Variants in SAE1 observed in about 807,000 individuals in gnomAD.
SAE1 encodes the protein SUMO1 activating enzyme subunit 1.
SAE1 carries 11 observed loss-of-function variants against 40.6 expected under a neutral mutation model. The ratio of observed to expected loss-of-function variants is 0.27; its 90% confidence interval spans 0.17 to 0.45. The LOEUF (loss-of-function observed/expected upper bound fraction) is 0.45, where lower values mean the gene tolerates loss of function less well. SAE1 is among the 20% of genes least tolerant of loss of function. SAE1 has a pLI of 1.00. For synonymous variants in SAE1, 155 were observed against 154.3 expected (o/e 1.00, Z -0.03); for missense variants, 373 against 427.3 (o/e 0.87, Z 1.12).
intron 3 of SAE1, 60 bp downstream of exon 3, chr19:47,150,435 T>C: frequency 7.4e-7 from 1 of 1,356,522 alleles, no homozygotes; most frequent in Non-Finnish European, 1.0e-6. Context: ...GCTAGTTGTA[T>C]ATACTTTCAA....
intron 5 of SAE1, among the ~76,000 whole-genome samples, chr19:47,166,879 A>G (rs1483068839): frequency 2.0e-5 from 3 of 152,158 alleles, no homozygotes; most frequent in African/African-American, 7.2e-5. Flanking sequence ...CATCTTGTAT[A>G]CTATCTTTAA....
intron 5 of SAE1, among the ~76,000 whole-genome samples, chr19:47,169,146 T>G (rs1246197347): frequency 6.6e-6 from 1 of 152,234 alleles, no homozygotes; most frequent in Non-Finnish European, 1.5e-5. Context: ...TGTTTTTGTT[T>G]ACTATTACAA....
intron 5 of SAE1, among the ~76,000 whole-genome samples, chr19:47,168,706 C>T (rs1458215516): frequency 2.0e-5 from 3 of 152,188 alleles, no homozygotes; most frequent in East Asian, 1.9e-4. Flanking sequence ...TAGGTTCAAG[C>T]GATTCTCCTG....
chr19:47,161,812 A>G (rs1421066845), intron 5 of SAE1, among the ~76,000 whole-genome samples: 1 of 152,152 alleles, frequency 6.6e-6, no homozygotes, highest in East Asian at 1.9e-4. Context: ...TCCAAGCAAC[A>G]CATAGAATTG....
chr19:47,199,310 G>A (rs1312224022), intron 7 of SAE1, among the ~76,000 whole-genome samples: 1 of 150,876 alleles, frequency 6.6e-6, no homozygotes, highest in African/African-American at 2.4e-5. Flanking sequence ...GCGTGAACCC[G>A]GGAGGCAGAG....
chr19:47,169,955 G>T (rs908601475), intron 6 of SAE1, 32 bp downstream of exon 6: 1 of 1,534,424 alleles, frequency 6.5e-7, no homozygotes, highest in Non-Finnish European at 9.0e-7. Context: ...TACCCCGGGA[G>T]AGCTTTTGGC....
At chr19:47,166,171 A>T (rs1160109404) in intron 5 of SAE1, among the ~76,000 whole-genome samples, 14 of 152,150 alleles carry the variant, frequency 9.2e-5, no homozygotes, top group Admixed American at 9.2e-4. Flanking sequence ...TGCTTAGGCC[A>T]GAGACGTGGG....
intron 6 of SAE1, among the ~76,000 whole-genome samples, chr19:47,182,508 C>CTGTGT (rs1555794406): frequency 2.7e-5 from 4 of 146,632 alleles, no homozygotes; most frequent in African/African-American, 7.9e-5. Flanking sequence ...CGCGCACGCA[C>CTGTGT]GCGCGCGCGC....
chr19:47,184,803 G>GT (rs775597858), intron 6 of SAE1, among the ~76,000 whole-genome samples: 2 of 69,886 alleles, frequency 2.9e-5, no homozygotes, highest in African/African-American at 2.2e-4. Context: ...TTTTGTTTTT[G>GT]TTTTGTTTTG....
intron 6 of SAE1, among the ~76,000 whole-genome samples, chr19:47,185,549 T>C (rs1015430371): frequency 6.6e-6 from 1 of 151,898 alleles, no homozygotes; most frequent in Non-Finnish European, 1.5e-5. Flanking sequence ...CAAGTAATCC[T>C]CCCACCTCTG....
intron 1 of SAE1, among the ~76,000 whole-genome samples, chr19:47,139,195 G>T (rs1036752318): frequency 6.6e-6 from 1 of 151,976 alleles, no homozygotes; most frequent in African/African-American, 2.4e-5. Flanking sequence ...CAAGTGATCC[G>T]ACCGCCTCGG....
intron 1 of SAE1, among the ~76,000 whole-genome samples, chr19:47,133,510 C>T (rs1047959939): frequency 2.0e-5 from 3 of 152,308 alleles, no homozygotes; most frequent in Non-Finnish European, 4.4e-5. Flanking sequence ...CAGGCGTGAG[C>T]CACTGCGGCC....
intron 6 of SAE1, among the ~76,000 whole-genome samples, chr19:47,172,105 A>C (rs557481170): frequency 2.9e-3 from 405 of 138,082 alleles, no homozygotes; most frequent in African/African-American, 0.011. Flanking sequence ...TTTTAGTAGA[A>C]ACGGGGTTTC....
chr19:47,165,864 G>A (rs1305785607), intron 5 of SAE1, among the ~76,000 whole-genome samples: 1 of 152,204 alleles, frequency 6.6e-6, no homozygotes, highest in Non-Finnish European at 1.5e-5. Context: ...CAATCCCAGA[G>A]GCATTAGGAA....
In SAE1 at chr19:47,167,015, G is replaced by GACATTGGCTCGCTGCA. The variant is rs2058397771; in HGVS notation, c.628-2801_628-2800insATTGGCTCGCTGCAAC. On this transcript the variant is annotated intron_variant, in intron 5 of 8. Transcript: ENST00000270225. Reference sequence around the variant, plus strand: ...TGCCCAGGCTGGAGTGTAGTGGTGTGACCTTGGCTCGCTGCAACCTCCACC... The same window carrying GACATTGGCTCGCTGCA: ...TGCCCAGGCTGGAGTGTAGTGGTGTGACATTGGCTCGCTGCAACCTTGGCTCGCTGCAACCTCCACC... Among the ~76,000 whole-genome samples the GACATTGGCTCGCTGCA allele has an allele frequency of 2.0e-5, 3 of 151,886 alleles. No individual in the cohort carries two copies. In the South Asian group the frequency reaches 6.2e-4, roughly 32 times the overall value.
At chr19:47,196,707 C>T (rs1350968616) in intron 6 of SAE1, among the ~76,000 whole-genome samples, 1 of 151,988 alleles carries the variant, frequency 6.6e-6, no homozygotes, top group Non-Finnish European at 1.5e-5. Flanking sequence ...AAAGCTTCCA[C>T]TGCTTTCTGC....
intron 6 of SAE1, chr19:47,180,131 G>A (rs144486019): frequency 4.0e-4 from 184 of 455,730 alleles, no homozygotes; most frequent in African/African-American, 3.1e-3. Context: ...ACTTTTACAC[G>A]TGTTTATTTC....
intron 2 of SAE1, among the ~76,000 whole-genome samples, chr19:47,149,213 C>A (rs2123205222): frequency 6.8e-6 from 1 of 147,268 alleles, no homozygotes; most frequent in South Asian, 2.2e-4. Flanking sequence ...CTCTGTTGCC[C>A]AGGCTGGAGT....
intron 6 of SAE1, among the ~76,000 whole-genome samples, chr19:47,196,991 A>G (rs953972816): frequency 6.6e-6 from 1 of 151,846 alleles, no homozygotes; most frequent in Admixed American, 6.6e-5. Context: ...GACAAGCCTG[A>G]CCAACATGGT....
Sources: gnomAD v4.1 joint callset for allele counts (sites outside exome capture counted in the v4.1 genomes callset) on GRCh38, gnomAD v4.1.1 for gene constraint, MANE v1.5 for transcripts, NCBI Gene and HGNC (gene_info 2026-07-23, HGNC 2026-07-21) for gene names.